LYPD1: variants seen among roughly 807,000 people sequenced by gnomAD.
LYPD1 encodes the protein ly6/PLAUR domain-containing protein 1.
In LYPD1, 14 loss-of-function variants were observed where a neutral mutation model predicts 14.2. The ratio of observed to expected loss-of-function variants is 0.99; its 90% CI spans 0.65 to 1.54. LYPD1 has a LOEUF of 1.54. Among genes scored for constraint, LYPD1 ranks in the 40% most tolerant of loss-of-function variants. LYPD1 has a pLI of 0.00. For missense variants in LYPD1, 165 were observed against 175.7 expected (o/e 0.94, Z 0.34); for synonymous variants, 85 against 70.6 (o/e 1.20, Z -1.02).
intron 2 of LYPD1, chr2:132,662,916 C>T (rs1683045472): frequency 6.6e-6 from 1 of 152,224 alleles, no homozygotes; most frequent in Non-Finnish European, 1.5e-5. Context: ...GCACCGGCTG[C>T]TTGTTCAGCT....
At chr2:132,650,714 T>TA (rs1328496507) in intron 2 of LYPD1, among the ~76,000 whole-genome samples, 1 of 99,952 alleles carries the variant, frequency 1.0e-5, no homozygotes, top group African/African-American at 4.9e-5. Flanking sequence ...CCTCCTTCCT[T>TA]TAAAAAAAAA....
At chr2:132,654,597 A>G (rs1334574803) in intron 2 of LYPD1, among the ~76,000 whole-genome samples, 1 of 152,100 alleles carries the variant, frequency 6.6e-6, no homozygotes, top group Non-Finnish European at 1.5e-5. Flanking sequence ...CTTGCCTCAA[A>G]GGGCTTGGAG....
At chr2:132,651,669 C>T (rs1165347474) in intron 2 of LYPD1, among the ~76,000 whole-genome samples, 1 of 152,216 alleles carries the variant, frequency 6.6e-6, no homozygotes, top group African/African-American at 2.4e-5. Flanking sequence ...GTACAGAGCT[C>T]TATTCTGATC....
At chr2:132,653,074 G>A (rs143756994) in intron 2 of LYPD1, among the ~76,000 whole-genome samples, 5 of 152,220 alleles carry the variant, frequency 3.3e-5, no homozygotes, top group Admixed American at 2.6e-4. Flanking sequence ...TCCTTTAATG[G>A]CCTTATCATT....
In LYPD1 at chr2:132,666,113, A is replaced by C. The variant is rs186828416; in HGVS notation, c.190+2287T>G. On this transcript the variant is annotated intron_variant, in intron 2 of 2. Coordinates refer to ENST00000397463, the MANE Select transcript of LYPD1 (RefSeq NM_144586.7). ...AGATTTCACGAGATTCTATATGTGC[A>C]ACCCACAGAAAAGAGTCAGATGCCT... is the stretch of plus-strand genomic sequence containing the variant. 6.1e-4 allele frequency among the ~76,000 whole-genome samples: 93 copies of C among 152,344 alleles called. 1 individual carries two copies. The highest frequency in any genetic ancestry group is 5.5e-3 in the Admixed American group (84 of 15,306).
At position 132,646,118 on chromosome 2, in the gene LYPD1, G is replaced by C. The variant is rs1400972426; in HGVS notation, c.353C>G (p.Ala118Gly). 1.9e-6 allele frequency: 3 copies of C among 1,609,356 alleles called. No homozygotes were observed. In the African/African-American group the frequency reaches 4.0e-5, roughly 22 times the overall value. The change falls in exon 3 of 3, where the codon GCC (alanine) becomes GGC (glycine). Residue 118 changes from alanine to glycine, a missense_variant. Physicochemically the swap from Ala to Gly is moderately conservative, Grantham distance 60. Transcript: ENST00000397463. The part of the protein sequence containing the change: ...GPRPKKRGSS[A>G]SALRPGLRTT... ...GCGGAGCCCTGGCCTGAGGGCCGAGGCAGAACTTCCCCTTTTCTTGGGCCT... is the reference window on the plus strand; with the variant it reads ...GCGGAGCCCTGGCCTGAGGGCCGAGCCAGAACTTCCCCTTTTCTTGGGCCT...
At chr2:132,664,706 A>G (rs1020116394) in intron 2 of LYPD1, among the ~76,000 whole-genome samples, 18 of 152,240 alleles carry the variant, frequency 1.2e-4, no homozygotes, top group Admixed American at 1.1e-3. Flanking sequence ...TGGCTAGTCT[A>G]TAAAAATTAA....
In LYPD1 at chr2:132,645,771, C is replaced by T. The variant is rs1377572153; in HGVS notation, c.*274G>A. 2.0e-6 allele frequency: 2 copies of T among 999,100 alleles called. No homozygotes were observed. Among genetic ancestry groups the T allele is most frequent in the South Asian group, 1.7e-5 (1 of 57,286 alleles). 61.9% of individuals were successfully genotyped at this position (999,100 alleles called of 1,614,324 possible). On this transcript the variant is annotated 3_prime_UTR_variant, in exon 3 of 3. Transcript: ENST00000397463. ...CAGTGACTTCTAAGGACTGACTCTG[C>T]CAGCCTGGCCTTGACTCCGGTTACA...
chr2:132,664,869 AT>A (rs1450227545), intron 2 of LYPD1, among the ~76,000 whole-genome samples: 1 of 152,270 alleles, frequency 6.6e-6, no homozygotes, highest in Non-Finnish European at 1.5e-5. Context: ...AATATTTGAA[AT>A]ATTTTGCAGA....
intron 2 of LYPD1, among the ~76,000 whole-genome samples, chr2:132,649,125 C>T (rs1207066042): frequency 1.3e-5 from 2 of 152,144 alleles, no homozygotes; most frequent in African/African-American, 4.8e-5. Context: ...GCTTTGGAGA[C>T]ATTCAAGAAG....
intron 2 of LYPD1, among the ~76,000 whole-genome samples, chr2:132,660,116 A>G (rs1682846291): frequency 6.6e-6 from 1 of 152,248 alleles, no homozygotes; most frequent in African/African-American, 2.4e-5. Context: ...CACTGTGCTC[A>G]CAAAGAAGTC....
At position 132,645,004 on chromosome 2, in the gene LYPD1, C is replaced by T. The variant is rs1407598436; in HGVS notation, c.*1041G>A. On this transcript the variant is annotated 3_prime_UTR_variant, in exon 3 of 3. Transcript: ENST00000397463. ...CATTTCCTGGCCAGTAAGCACAGAACAGAGGGGCTAAATATTTTATGGTTT... is the reference window on the plus strand; with the variant it reads ...CATTTCCTGGCCAGTAAGCACAGAATAGAGGGGCTAAATATTTTATGGTTT... 2 of 1,401,774 alleles carry T rather than the reference C, an allele frequency of 1.4e-6. No homozygotes were observed. The highest frequency in any genetic ancestry group is 1.4e-5 in the African/African-American group (1 of 69,592). The allele number at this position is 1,401,774 out of a possible 1,614,324, so 86.8% of individuals were successfully genotyped here.
chr2:132,644,178 T>TGTCA lies in LYPD1; in HGVS notation c.*1863_*1866dup, dbSNP rs1165294247. Among the ~76,000 whole-genome samples the TGTCA allele has an allele frequency of 4.6e-5, 7 of 152,356 alleles. No individual in the cohort carries two copies. Among genetic ancestry groups the TGTCA allele is most frequent in the African/African-American group, 1.4e-4 (6 of 41,590 alleles). On this transcript the variant is annotated 3_prime_UTR_variant, in exon 3 of 3. Transcript: ENST00000397463. The stretch of plus-strand genomic sequence containing the variant: ...GTGGTCTATGTAGCATCTTTATCTC[T>TGTCA]GTCAGTCAGAATTGCAGAACTGGTG...
At chr2:132,650,903 C>T (rs926648123) in intron 2 of LYPD1, among the ~76,000 whole-genome samples, 2 of 152,074 alleles carry the variant, frequency 1.3e-5, no homozygotes, top group Admixed American at 1.3e-4. Flanking sequence ...GCTTAGGGTC[C>T]ATTCAGGTAA....
rs192722014 is a variant in LYPD1, at chr2:132,658,821, G to T, written c.190+9579C>A. ...CAGGGGGCATAAAACCATGTGGGGG[G>T]ATTTTCCTTCTTCCCAAGGGAGAGC... On this transcript the variant is annotated intron_variant, in intron 2 of 2. Transcript: ENST00000397463. Among the ~76,000 whole-genome samples, 446 of 152,272 alleles carry T rather than the reference G, an allele frequency of 2.9e-3. 1 individual carries two copies. Among genetic ancestry groups the T allele is most frequent in the African/African-American group, 9.9e-3 (412 of 41,548 alleles).
At chr2:132,649,098 A>T (rs7558213) in intron 2 of LYPD1, among the ~76,000 whole-genome samples, 19 of 152,150 alleles carry the variant, frequency 1.2e-4, no homozygotes, top group African/African-American at 4.3e-4. Flanking sequence ...GGCTGGTGTC[A>T]GGGTATGGAG....
chr2:132,669,750 G>T lies in LYPD1; in HGVS notation c.52+131C>A. The T allele has an allele frequency of 5.5e-6, 8 of 1,455,928 alleles. No individual in the cohort carries two copies. In the South Asian group the frequency reaches 9.4e-5, roughly 17 times the overall value. The allele number at this position is 1,455,928 out of a possible 1,614,324, so 90.2% of individuals were successfully genotyped here. On this transcript the variant is annotated intron_variant, in intron 1 of 2. Coordinates refer to ENST00000397463, the MANE Select transcript of LYPD1 (RefSeq NM_144586.7). The surrounding 1 kb of genome is among the most constrained non-coding windows in gnomAD (Gnocchi z 4.3). ...CCTCGCGCCCCGGGGCACCAGTCGC[G>T]GCCGCCAACTCCCGCTGGGCAGCCC...
In LYPD1 at chr2:132,645,896, C is replaced by T. The variant is rs1004428070; in HGVS notation, c.*149G>A. On this transcript the variant is annotated 3_prime_UTR_variant, in exon 3 of 3. Transcript: ENST00000397463. ...TTCAGAATGCTTTACCGAGCTCTTT[C>T]ATTATTTGCACAGGAACAAAAGAGA... 8 of 677,108 alleles carry T rather than the reference C, an allele frequency of 1.2e-5. No individual in the cohort carries two copies. The African/African-American group carries it at 1.3e-4, about 11-fold the overall frequency. 41.9% of individuals were successfully genotyped at this position (677,108 alleles called of 1,614,324 possible).
rs1011684144 is a variant in LYPD1 at position 132,646,323 on chromosome 2, A to G, written c.191-43T>C. 37 of 1,336,168 alleles carry G rather than the reference A, an allele frequency of 2.8e-5. No homozygotes were observed. In the Admixed American group the frequency reaches 3.0e-4, roughly 11 times the overall value. The allele number at this position is 1,336,168 out of a possible 1,614,324, so 82.8% of individuals were successfully genotyped here. ...AGGAGCTGAGTTAACGTGCACCGGC[A>G]AAAGAATAGCTGTCCCTCTCAGCCC... On this transcript the variant is annotated intron_variant, in intron 2 of 2. Transcript: ENST00000397463.
Sources: gnomAD v4.1 joint callset for allele counts (sites outside exome capture counted in the v4.1 genomes callset) on GRCh38, gnomAD v4.1.1 for gene constraint, Gnocchi (gnomAD v3.1) non-coding constraint, MANE v1.5 for transcripts, NCBI Gene and HGNC (gene_info 2026-07-23, HGNC 2026-07-21) for gene names.